SNTG2: variants seen among roughly 807,000 people sequenced by gnomAD.
The protein encoded by SNTG2 is gamma-2-syntrophin.
A neutral mutation model predicts 70.9 loss-of-function variants in SNTG2; 74 were observed. The observed-to-expected ratio is 1.04, with a 90% CI of 0.86 to 1.27. The LOEUF is 1.27. Ranked by LOEUF, SNTG2 falls within the 50% of genes most tolerant of loss-of-function variation. The probability of loss-of-function intolerance (pLI) is 0.00; values close to 1 mark genes in which losing one functional copy is unlikely to be tolerated. For synonymous variants in SNTG2, 278 were observed against 273.8 expected (o/e 1.02, Z -0.15); for missense variants, 717 against 690.7 (o/e 1.04, Z -0.43).
intron 16 of SNTG2, among the ~76,000 whole-genome samples, chr2:1,352,283 C>T (rs1471494789): frequency 3.3e-5 from 5 of 152,218 alleles, no homozygotes; most frequent in African/African-American, 1.2e-4. Flanking sequence ...GGGTACCGGC[C>T]TCTCCTCTCC....
chr2:1,250,107 C>T (rs1054546515), intron 12 of SNTG2, among the ~76,000 whole-genome samples: 2 of 152,196 alleles, frequency 1.3e-5, no homozygotes, highest in African/African-American at 4.8e-5. Flanking sequence ...TCCTCATTCA[C>T]GTAGAGGAAG....
At chr2:1,121,182 AT>A (rs1363525878) in intron 4 of SNTG2, among the ~76,000 whole-genome samples, 5 of 152,158 alleles carry the variant, frequency 3.3e-5, no homozygotes, top group Admixed American at 3.3e-4. Flanking sequence ...CAAAAGTGAA[AT>A]TTGAAAACTA....
rs1319064940 is a variant in SNTG2 at position 1,005,876 on chromosome 2, A to T, written c.72+54808A>T. Among the ~76,000 whole-genome samples the T allele has an allele frequency of 1.4e-3, 159 of 110,220 alleles. 2 individuals are homozygous for T. The highest frequency in any genetic ancestry group is 9.2e-3 in the Middle Eastern group (2 of 218). 72.3% of individuals were successfully genotyped at this position (110,220 alleles called of 152,430 possible). ...ATATATATATATATATATATATATA[A>T]ACGTTGACATTGCTCTTGAGACTTT... On this transcript the variant is annotated intron_variant, in intron 1 of 16. Coordinates refer to ENST00000308624, the MANE Select transcript of SNTG2 (RefSeq NM_018968.4).
At chr2:1,088,385 C>T (rs1181964533) in intron 2 of SNTG2, among the ~76,000 whole-genome samples, 1 of 152,164 alleles carries the variant, frequency 6.6e-6, no homozygotes, top group African/African-American at 2.4e-5. Context: ...TGTCGCCTAA[C>T]CTGTCTTTCT....
chr2:1,281,858 C>T (rs1679563228), intron 14 of SNTG2, among the ~76,000 whole-genome samples: 1 of 152,110 alleles, frequency 6.6e-6, no homozygotes. Context: ...CCCCACACAT[C>T]TGTGGAGGGA....
chr2:1,072,976 G>A (rs1449239723), intron 1 of SNTG2, among the ~76,000 whole-genome samples: 1 of 152,228 alleles, frequency 6.6e-6, no homozygotes, highest in African/African-American at 2.4e-5. Flanking sequence ...AGAGCCTGCA[G>A]ATGTGACTGA....
intron 9 of SNTG2, among the ~76,000 whole-genome samples, chr2:1,228,244 G>A (rs1675931103): frequency 6.6e-6 from 1 of 152,248 alleles, no homozygotes; most frequent in Non-Finnish European, 1.5e-5. Context: ...ATGTTCACAT[G>A]TGTGCTTAAA....
At chr2:1,339,303 T>C (rs1483455625) in intron 16 of SNTG2, among the ~76,000 whole-genome samples, 1 of 152,262 alleles carries the variant, frequency 6.6e-6, no homozygotes, top group Non-Finnish European at 1.5e-5. Context: ...TTTTCTTCCA[T>C]TCTGTAGTTT....
At chr2:1,220,221 T>C (rs60132252) in intron 9 of SNTG2, among the ~76,000 whole-genome samples, 29,734 of 152,196 alleles carry the variant, frequency 0.2, 3,940 homozygotes, top group African/African-American at 0.36. Flanking sequence ...TGTTATGGAA[T>C]GTGGGAATGT....
At chr2:1,211,818 A>G (rs1674066571) in intron 9 of SNTG2, among the ~76,000 whole-genome samples, 1 of 152,212 alleles carries the variant, frequency 6.6e-6, no homozygotes, top group South Asian at 2.1e-4. Flanking sequence ...GATTTGGGCA[A>G]GAGTACAACC....
intron 8 of SNTG2, 89 bp from the exon 9 acceptor site, chr2:1,209,014 G>A (rs1673856416): frequency 2.0e-6 from 3 of 1,516,782 alleles, no homozygotes; most frequent in Non-Finnish European, 2.7e-6. Flanking sequence ...TTGGACTTGA[G>A]TTCTGTGTTC....
At chr2:1,295,016 G>A (rs770698945) in intron 14 of SNTG2, among the ~76,000 whole-genome samples, 3 of 152,300 alleles carry the variant, frequency 2.0e-5, no homozygotes, top group African/African-American at 4.8e-5. Flanking sequence ...GTTCACTCCC[G>A]CTGCGCTGAG....
At chr2:1,348,373 C>A (rs1156514793) in intron 16 of SNTG2, among the ~76,000 whole-genome samples, 2 of 152,204 alleles carry the variant, frequency 1.3e-5, no homozygotes, top group East Asian at 3.9e-4. Context: ...GCATTAACAT[C>A]AACATATTCT....
intron 13 of SNTG2, among the ~76,000 whole-genome samples, chr2:1,261,366 C>A (rs1042546563): frequency 6.6e-6 from 1 of 152,074 alleles, no homozygotes; most frequent in Non-Finnish European, 1.5e-5. Context: ...CCATAATTAC[C>A]ATTTCAAAGT....
chr2:1,052,775 C>T (rs561048691), intron 1 of SNTG2, among the ~76,000 whole-genome samples: 2 of 152,274 alleles, frequency 1.3e-5, no homozygotes, highest in East Asian at 1.9e-4. Flanking sequence ...CAGACACAGG[C>T]GGTGGACCTG....
intron 6 of SNTG2, among the ~76,000 whole-genome samples, chr2:1,140,840 T>C (rs1668702977): frequency 6.8e-6 from 1 of 146,386 alleles, no homozygotes; most frequent in African/African-American, 2.5e-5. Context: ...AAAATTGACC[T>C]AATTGGAAAA....
At chr2:1,184,554 GA>G (rs1432308806) in intron 8 of SNTG2, among the ~76,000 whole-genome samples, 1 of 152,146 alleles carries the variant, frequency 6.6e-6, no homozygotes, top group Non-Finnish European at 1.5e-5. Flanking sequence ...GAGGCCTCAG[GA>G]AACTTACAAT....
intron 1 of SNTG2, among the ~76,000 whole-genome samples, chr2:1,042,011 A>G (rs1661467943): frequency 6.6e-6 from 1 of 152,202 alleles, no homozygotes; most frequent in Non-Finnish European, 1.5e-5. Context: ...AGATGCCATT[A>G]ACATTTACAT....
intron 16 of SNTG2, among the ~76,000 whole-genome samples, chr2:1,347,927 A>G (rs945967978): frequency 1.3e-5 from 2 of 151,956 alleles, no homozygotes; most frequent in East Asian, 1.9e-4. Flanking sequence ...TCAGTAGCTT[A>G]TGGTATTTAA....
Sources: gnomAD v4.1 joint callset for allele counts (sites outside exome capture counted in the v4.1 genomes callset) on GRCh38, gnomAD v4.1.1 for gene constraint, MANE v1.5 for transcripts, NCBI Gene and HGNC (gene_info 2026-07-23, HGNC 2026-07-21) for gene names.